The following FAM76A variants were observed in gnomAD, a reference collection of about 807,000 sequenced individuals.
FAM76A encodes the protein family with sequence similarity 76 member A.
Under a neutral mutation model 46.2 loss-of-function variants are expected in FAM76A, and 32 were observed. The ratio of observed to expected loss-of-function variants is 0.69; its 90% CI spans 0.52 to 0.93. The LOEUF (loss-of-function observed/expected upper bound fraction) is 0.93. Ranked by LOEUF, FAM76A falls within the 40% of genes least tolerant of loss-of-function variation. The pLI, the probability that FAM76A is intolerant of heterozygous loss-of-function variation, is 0.00. For missense variants in FAM76A, 274 were observed against 361.5 expected, an observed-to-expected ratio of 0.76 and a Z score of 1.96; for synonymous variants, 137 against 127.0, an observed-to-expected ratio of 1.08 and a Z score of -0.53.
At chr1:27,728,176 G>A (rs932344466) in intron 2 of FAM76A, among the ~76,000 whole-genome samples, 2 of 151,820 alleles carry the variant, frequency 1.3e-5, no homozygotes, top group African/African-American at 4.8e-5. Context: ...TTTTTGTCAA[G>A]AAGAAACCAA....
At chr1:27,728,650 G>C (rs1397106253) in intron 2 of FAM76A, among the ~76,000 whole-genome samples, 1 of 152,178 alleles carries the variant, frequency 6.6e-6, no homozygotes, top group Non-Finnish European at 1.5e-5. Context: ...ACCACGCCTG[G>C]GCAAATCTCA....
At chr1:27,732,462 A>G in intron 2 of FAM76A, 141 bp from the exon 3 acceptor site, 1 of 533,394 alleles carries the variant, frequency 1.9e-6, no homozygotes, top group South Asian at 3.5e-5. Context: ...AGTTATTAGA[A>G]AGGTACTCAA....
intron 4 of FAM76A, among the ~76,000 whole-genome samples, chr1:27,737,888 A>AC (rs2088081091): frequency 1.3e-5 from 2 of 150,446 alleles, no homozygotes; most frequent in Non-Finnish European, 3.0e-5. Flanking sequence ...AAAAAAAAAA[A>AC]AAAACAGAAA....
intron 7 of FAM76A, 146 bp downstream of exon 7, chr1:27,755,476 C>G: frequency 3.7e-6 from 4 of 1,079,820 alleles, no homozygotes; most frequent in Non-Finnish European, 4.0e-6. Context: ...GGCTGTCTGC[C>G]AAGATGACTT....
chr1:27,755,434 A>C, intron 7 of FAM76A, 104 bp downstream of exon 7: 1 of 1,438,986 alleles, frequency 6.9e-7, no homozygotes, highest in Non-Finnish European at 9.6e-7. Flanking sequence ...TTGAGAGCCT[A>C]TGTCAAGGTT....
intron 5 of FAM76A, among the ~76,000 whole-genome samples, chr1:27,745,528 A>T (rs2088227722): frequency 3.3e-5 from 5 of 152,132 alleles, no homozygotes; most frequent in Admixed American, 3.3e-4. Flanking sequence ...CGGGTCAGGG[A>T]TGCTGGTGGG....
In FAM76A at chr1:27,744,701, G is replaced by T; in HGVS notation, c.402G>T (p.Arg134=). 1.2e-6 allele frequency: 2 copies of T among 1,614,114 alleles called. No homozygotes were observed. Among genetic ancestry groups the T allele is most frequent in the South Asian group, 2.2e-5 (2 of 91,084 alleles). Residue 134 remains arginine, a synonymous_variant, in exon 5 of 9, where the codon CGG becomes CGT. Coordinates refer to ENST00000373954, the MANE Select transcript of FAM76A (RefSeq NM_152660.3). ...LCWLCTLSYK[R]VLQKTKEQRK... is the part of the protein sequence containing the mutation. Reference sequence around the variant, plus strand: ...GGCTGTGCACACTTTCATACAAACGGGTCCTTCAGAAGACCAAAGAGCAGA... The same window carrying T: ...GGCTGTGCACACTTTCATACAAACGTGTCCTTCAGAAGACCAAAGAGCAGA...
intron 7 of FAM76A, among the ~76,000 whole-genome samples, chr1:27,756,232 C>T (rs368794728): frequency 9.9e-5 from 15 of 152,176 alleles, no homozygotes; most frequent in African/African-American, 3.4e-4. Flanking sequence ...ACTGTGCTTC[C>T]ACTGCTGACA....
rs1003947075 is a variant in FAM76A, at chr1:27,751,510, T to C, written c.599+2356T>C. Reference sequence around the variant, plus strand: ...TGGCTACCCATTTCTTTTTTTTTTTTTTTCTTTTTTTTGAGACAGGGTCTC... The same window carrying C: ...TGGCTACCCATTTCTTTTTTTTTTTCTTTCTTTTTTTTGAGACAGGGTCTC... On this transcript the variant is annotated intron_variant, in intron 6 of 8. Transcript: ENST00000373954. 5.9e-5 allele frequency among the ~76,000 whole-genome samples: 9 copies of C among 151,704 alleles called. No homozygotes were observed. The Middle Eastern group carries it at 0.017, about 287-fold the overall frequency.
chr1:27,758,179 C>T (rs1177702753), intron 7 of FAM76A, among the ~76,000 whole-genome samples: 5 of 152,092 alleles, frequency 3.3e-5, no homozygotes, highest in Admixed American at 3.3e-4. Context: ...TAATTTCTAC[C>T]TCATTTTACA....
In FAM76A at chr1:27,737,024, A is replaced by G. The variant is rs1571474413; in HGVS notation, c.354+2841A>G. Among the ~76,000 whole-genome samples the G allele has an allele frequency of 2.0e-5, 3 of 152,110 alleles. No individual in the cohort carries two copies. The East Asian group carries it at 5.8e-4, about 29-fold the overall frequency. On this transcript the variant is annotated intron_variant, in intron 4 of 8. Transcript: ENST00000373954. ...GAGTGCAATGGCACGATCTCGGCTC[A>G]CCACAACCTCCACCTCCTAGGTTCA...
chr1:27,738,859 T>G (rs2088102348), intron 4 of FAM76A, among the ~76,000 whole-genome samples: 1 of 152,032 alleles, frequency 6.6e-6, no homozygotes, highest in South Asian at 2.1e-4. Flanking sequence ...GAGTGGAAAC[T>G]AGGATGATGA....
intron 6 of FAM76A, among the ~76,000 whole-genome samples, chr1:27,752,954 G>T (rs374137449): frequency 1.1e-3 from 163 of 152,266 alleles, no homozygotes; most frequent in African/African-American, 3.8e-3. Context: ...GAGGTCGGGA[G>T]TTCGAGACCA....
At chr1:27,745,423 A>G (rs1412236731) in intron 5 of FAM76A, among the ~76,000 whole-genome samples, 1 of 152,182 alleles carries the variant, frequency 6.6e-6, no homozygotes, top group East Asian at 1.9e-4. Flanking sequence ...TAACTGGCAT[A>G]TAGAAAATAT....
intron 2 of FAM76A, among the ~76,000 whole-genome samples, chr1:27,727,853 GC>G (rs2087887831): frequency 7.3e-6 from 1 of 137,052 alleles, no homozygotes; most frequent in East Asian, 2.2e-4. Context: ...TGTCACCCAG[GC>G]TGGAATGAAG....
chr1:27,731,306 C>T (rs1318403427), intron 2 of FAM76A, among the ~76,000 whole-genome samples: 1 of 149,286 alleles, frequency 6.7e-6, no homozygotes, highest in Non-Finnish European at 1.5e-5. Flanking sequence ...CAGGTTCAAG[C>T]GATTCTTCTG....
rs2088532212 is a variant in FAM76A at position 27,763,114 on chromosome 1, CAA to C, written c.*2534_*2535del. The C allele has an allele frequency of 6.6e-6, 1 of 152,148 alleles. No individual in the cohort carries two copies. The highest frequency in any genetic ancestry group is 1.5e-5 in the Non-Finnish European group (1 of 68,032). The allele number at this position is 152,148 out of a possible 1,614,324, so 9.4% of individuals were successfully genotyped here. On this transcript the variant is annotated 3_prime_UTR_variant, in exon 9 of 9. Transcript: ENST00000373954. The stretch of plus-strand genomic sequence containing the variant: ...GTGTTAATAAAAATTCATATTGACT[CAA>C]GTGTAATTGTTGGATTTTGTTTTTA...
Position 27,749,105 on chromosome 1 carries a change from A to G in FAM76A, c.550A>G (p.Ile184Val). The change falls in exon 6 of 9, where the codon ATC becomes GTC. Residue 184 changes from isoleucine to valine, a missense_variant. Coordinates refer to ENST00000373954, the MANE Select transcript of FAM76A (RefSeq NM_152660.3). ...TLSTSSIQNE[I>V]PKKKSKFESI... ...TTCTACATCTTCAATTCAAAATGAA[A>G]TCCCAAAGAAAAAGTCCAAGTTTGA... 1 of 1,607,140 alleles carries G rather than the reference A, an allele frequency of 6.2e-7. No homozygotes were observed. Among genetic ancestry groups the G allele is most frequent in the Non-Finnish European group, 8.5e-7 (1 of 1,178,634 alleles).
chr1:27,728,951 G>A (rs1249836661), intron 2 of FAM76A, among the ~76,000 whole-genome samples: 8 of 150,050 alleles, frequency 5.3e-5, no homozygotes, highest in Admixed American at 5.3e-4. Flanking sequence ...GTGACGGGGG[G>A]AAACTCTGTC....
Sources: allele counts gnomAD v4.1 joint callset (sites outside exome capture counted in the v4.1 genomes callset), GRCh38; gene constraint gnomAD v4.1.1; transcripts MANE v1.5; gene names NCBI Gene and HGNC (gene_info 2026-07-23, HGNC 2026-07-21).